RBM47: variants seen among roughly 807,000 people sequenced by gnomAD.
RBM47 encodes the protein RNA-binding protein 47.
Under a neutral mutation model 47.1 loss-of-function variants are expected in RBM47, and 21 were observed. The observed-to-expected ratio is 0.45, with a 90% CI of 0.32 to 0.64. RBM47 has a LOEUF of 0.64. Ranked by LOEUF, RBM47 falls within the 30% of genes least tolerant of loss-of-function variation. The probability of loss-of-function intolerance (pLI) is 0.05; values close to 1 mark genes in which losing one functional copy is unlikely to be tolerated. For missense variants in RBM47, 708 were observed against 870.9 expected, an observed-to-expected ratio of 0.81 and a Z score of 2.35; for synonymous variants, 375 against 361.7, an observed-to-expected ratio of 1.04 and a Z score of -0.42.
chr4:40,481,484 TTATTTTTA>T (rs1720409049), intron 2 of RBM47, among the ~76,000 whole-genome samples: 6 of 116,338 alleles, frequency 5.2e-5, no homozygotes, highest in African/African-American at 1.6e-4. Flanking sequence ...ATTATTATTA[TTATTTTTA>T]TTTTTATTTT....
chr4:40,455,058 T>C (rs753882063), intron 3 of RBM47, among the ~76,000 whole-genome samples: 1 of 152,168 alleles, frequency 6.6e-6, no homozygotes, highest in Non-Finnish European at 1.5e-5. Flanking sequence ...TGGGAAATCA[T>C]TACTTTCTAC....
At chr4:40,590,181 C>T (rs1158119556) in intron 1 of RBM47, among the ~76,000 whole-genome samples, 5 of 152,074 alleles carry the variant, frequency 3.3e-5, no homozygotes, top group South Asian at 2.1e-4. Flanking sequence ...GACGTGTGCA[C>T]GCCTGTGTGC....
chr4:40,446,791 AT>A (rs1460512326), intron 3 of RBM47, among the ~76,000 whole-genome samples: 5 of 151,806 alleles, frequency 3.3e-5, no homozygotes, highest in Admixed American at 3.3e-4. Flanking sequence ...TAAAAAAAAA[AT>A]TGAACTGGAG....
intron 2 of RBM47, among the ~76,000 whole-genome samples, chr4:40,512,266 CAA>C (rs893626833): frequency 6.7e-6 from 1 of 148,410 alleles, no homozygotes; most frequent in African/African-American, 2.6e-5. Context: ...ACTAAAAATA[CAA>C]AAAATTAGCC....
At chr4:40,475,399 AAAC>A (rs772693157) in intron 2 of RBM47, among the ~76,000 whole-genome samples, 2 of 152,248 alleles carry the variant, frequency 1.3e-5, no homozygotes, top group African/African-American at 2.4e-5. Context: ...GGAAACTATA[AAAC>A]AACAACAATA....
intron 1 of RBM47, among the ~76,000 whole-genome samples, chr4:40,626,112 C>T (rs1737711633): frequency 6.6e-6 from 1 of 152,190 alleles, no homozygotes; most frequent in African/African-American, 2.4e-5. Flanking sequence ...CATCTAGACA[C>T]ACCCACAAAT....
intron 2 of RBM47, among the ~76,000 whole-genome samples, chr4:40,527,756 G>C (rs971140186): frequency 1.2e-4 from 17 of 140,660 alleles, no homozygotes; most frequent in Non-Finnish European, 4.6e-5. Context: ...GTGTGTGTGT[G>C]TGTGTTTGGG....
At chr4:40,500,507 A>G (rs1226059429) in intron 2 of RBM47, among the ~76,000 whole-genome samples, 1 of 152,110 alleles carries the variant, frequency 6.6e-6, no homozygotes, top group Non-Finnish European at 1.5e-5. Context: ...GCTATTCAGG[A>G]GGCTGAGGCA....
intron 2 of RBM47, among the ~76,000 whole-genome samples, chr4:40,520,707 T>A (rs576475748): frequency 6.6e-6 from 1 of 152,290 alleles, no homozygotes; most frequent in East Asian, 1.9e-4. Flanking sequence ...AAGAGTACCA[T>A]GAATGTGACC....
At chr4:40,527,020 C>T (rs1477226441) in intron 2 of RBM47, among the ~76,000 whole-genome samples, 1 of 152,012 alleles carries the variant, frequency 6.6e-6, no homozygotes, top group East Asian at 1.9e-4. Flanking sequence ...CTGACTTGCC[C>T]AAGTCAGCTA....
At chr4:40,575,105 C>A (rs542782719) in intron 1 of RBM47, among the ~76,000 whole-genome samples, 1 of 152,178 alleles carries the variant, frequency 6.6e-6, no homozygotes, top group South Asian at 2.1e-4. Context: ...TACTGCTAAA[C>A]ATCCTATAAT....
At chr4:40,538,389 C>T (rs564509359) in intron 2 of RBM47, among the ~76,000 whole-genome samples, 1 of 145,724 alleles carries the variant, frequency 6.9e-6, no homozygotes, top group African/African-American at 2.6e-5. Context: ...TACAATGGCA[C>T]GATCTCAGCT....
At chr4:40,600,620 C>A (rs1283544280) in intron 1 of RBM47, among the ~76,000 whole-genome samples, 1 of 136,428 alleles carries the variant, frequency 7.3e-6, no homozygotes, top group Admixed American at 7.7e-5. Flanking sequence ...GGCGACAGAG[C>A]GAGGCTCCGT....
At chr4:40,556,684 G>A (rs1215374424) in intron 1 of RBM47, among the ~76,000 whole-genome samples, 1 of 151,994 alleles carries the variant, frequency 6.6e-6, no homozygotes, top group African/African-American at 2.4e-5. Context: ...GAGCTCAGGA[G>A]TTCCAGACCA....
chr4:40,610,315 A>G (rs879753404), intron 1 of RBM47, among the ~76,000 whole-genome samples: 11 of 151,830 alleles, frequency 7.2e-5, no homozygotes, highest in Admixed American at 2.6e-4. Flanking sequence ...TCATCTTCGT[A>G]AAGTGTTTAG....
intron 1 of RBM47, among the ~76,000 whole-genome samples, chr4:40,556,178 G>A (rs1730065714): frequency 6.6e-6 from 1 of 151,720 alleles, no homozygotes; most frequent in Non-Finnish European, 1.5e-5. Flanking sequence ...TGGGATTACA[G>A]GCATGCACCA....
chr4:40,438,561 G>A lies in RBM47; in HGVS notation c.333C>T (p.Arg111=), dbSNP rs754760928. 55 of 1,613,814 alleles carry A rather than the reference G, an allele frequency of 3.4e-5. No individual in the cohort carries two copies. In the East Asian group the frequency reaches 8.7e-4, roughly 25 times the overall value. Residue 111 remains arginine (R), a synonymous_variant, in exon 4 of 7, where the codon CGC becomes CGT. Transcript: ENST00000295971. ...RLMMDFDGKN[R]GYAFVMYCHK... ...GGCAGTACATGACGAAGGCGTAGCC[G>A]CGGTTCTTGCCGTCAAAGTCCATCA...
At chr4:40,506,422 G>T (rs985550973) in intron 2 of RBM47, among the ~76,000 whole-genome samples, 5 of 152,290 alleles carry the variant, frequency 3.3e-5, no homozygotes, top group Admixed American at 3.3e-4. Context: ...CCCATGATGT[G>T]CCAGATACTT....
At chr4:40,613,129 TAA>T (rs1736395376) in intron 1 of RBM47, among the ~76,000 whole-genome samples, 2 of 152,220 alleles carry the variant, frequency 1.3e-5, no homozygotes, top group Admixed American at 1.3e-4. Flanking sequence ...TCATTTAATA[TAA>T]GTGTCTCGCC....
Sources: gnomAD v4.1 joint callset for allele counts (sites outside exome capture counted in the v4.1 genomes callset) on GRCh38, gnomAD v4.1.1 for gene constraint, MANE v1.5 for transcripts, NCBI Gene and HGNC (gene_info 2026-07-23, HGNC 2026-07-21) for gene names.